Variants in CSGALNACT1 observed in about 807,000 individuals in gnomAD.
CSGALNACT1 encodes chondroitin sulfate N-acetylgalactosaminyltransferase 1.
In CSGALNACT1, 52 loss-of-function variants were observed where a neutral mutation model predicts 51.0. The observed-to-expected ratio is 1.02, with a 90% CI of 0.82 to 1.29. The LOEUF (loss-of-function observed/expected upper bound fraction) is 1.29, where lower values mean the gene tolerates loss of function less well. Among genes scored for constraint, CSGALNACT1 ranks in the 50% most tolerant of loss-of-function variants. CSGALNACT1 has a pLI of 0.00. For missense variants in CSGALNACT1, 935 were observed against 679.2 expected (o/e 1.38, Z -4.19); for synonymous variants, 341 against 254.4 (o/e 1.34, Z -3.24).
intron 1 of CSGALNACT1, among the ~76,000 whole-genome samples, chr8:19,652,240 C>A (rs2154184807): frequency 6.6e-6 from 1 of 152,230 alleles, no homozygotes; most frequent in East Asian, 1.9e-4. Context: ...CATGAGCCAC[C>A]ATATCAGGCC....
intron 3 of CSGALNACT1, among the ~76,000 whole-genome samples, chr8:19,590,121 ATCTC>A (rs530294555): frequency 6.6e-6 from 1 of 152,188 alleles, no homozygotes; most frequent in Non-Finnish European, 1.5e-5. Context: ...TGACGTTGTC[ATCTC>A]TCTCTTTAGT....
chr8:19,618,613 C>T (rs991070881), intron 1 of CSGALNACT1, among the ~76,000 whole-genome samples: 1 of 102,006 alleles, frequency 9.8e-6, no homozygotes, highest in Non-Finnish European at 1.8e-5. Flanking sequence ...GCCTGGGTGA[C>T]AGAGGAATAC....
intron 6 of CSGALNACT1, among the ~76,000 whole-genome samples, chr8:19,432,168 CTT>C (rs1025751746): frequency 6.6e-6 from 1 of 152,124 alleles, no homozygotes; most frequent in African/African-American, 2.4e-5. Context: ...GATGAAGTCT[CTT>C]TATTTGTTTA....
At chr8:19,532,244 G>C (rs1226517760) in intron 3 of CSGALNACT1, among the ~76,000 whole-genome samples, 1 of 151,350 alleles carries the variant, frequency 6.6e-6, no homozygotes, top group African/African-American at 2.4e-5. Flanking sequence ...TTTTGATCCT[G>C]GAAGCCCAGC....
At chr8:19,612,860 G>C (rs760367218) in intron 1 of CSGALNACT1, among the ~76,000 whole-genome samples, 2 of 143,346 alleles carry the variant, frequency 1.4e-5, no homozygotes, top group Non-Finnish European at 3.0e-5. Flanking sequence ...AAAAGCGAGA[G>C]AGCAACTAAA....
intron 3 of CSGALNACT1, among the ~76,000 whole-genome samples, chr8:19,577,095 C>G (rs1383558877): frequency 6.6e-6 from 1 of 152,106 alleles, no homozygotes; most frequent in Non-Finnish European, 1.5e-5. Context: ...TGTATTTATT[C>G]ACAAAGAAAG....
chr8:19,471,237 C>T (rs1247667052), intron 4 of CSGALNACT1, among the ~76,000 whole-genome samples: 1 of 152,190 alleles, frequency 6.6e-6, no homozygotes. Context: ...ACGCACTGCG[C>T]TTGCTCAATG....
At position 19,449,440 on chromosome 8, in the gene CSGALNACT1, A is replaced by C. The variant is rs1391614516; in HGVS notation, c.851+8986T>G. Among the ~76,000 whole-genome samples, 5 of 152,120 alleles carry C rather than the reference A, an allele frequency of 3.3e-5. No individual in the cohort carries two copies. The East Asian group carries it at 9.6e-4, about 29-fold the overall frequency. On this transcript the variant is annotated intron_variant, in intron 5 of 9. Coordinates refer to ENST00000454498, the Ensembl canonical transcript of CSGALNACT1. ...GTTGGGGAACACAAAGAAACTGGGA[A>C]TCTCTATCATGATCCAACATTTGCT...
chr8:19,520,118 C>T (rs1009438458), intron 3 of CSGALNACT1, among the ~76,000 whole-genome samples: 2 of 152,224 alleles, frequency 1.3e-5, no homozygotes, highest in Admixed American at 1.3e-4. Flanking sequence ...CCTCTTCCTT[C>T]CCCACCTACA....
intron 1 of CSGALNACT1, among the ~76,000 whole-genome samples, chr8:19,653,068 G>C (rs1012587804): frequency 7.9e-5 from 12 of 152,118 alleles, no homozygotes; most frequent in African/African-American, 2.9e-4. Flanking sequence ...ATTATGAACT[G>C]ATGAAAACTG....
chr8:19,579,712 C>T (rs1214651599), intron 3 of CSGALNACT1, among the ~76,000 whole-genome samples: 1 of 152,200 alleles, frequency 6.6e-6, no homozygotes, highest in Non-Finnish European at 1.5e-5. Context: ...ATGCTAATAG[C>T]ATATACCATG....
At chr8:19,671,502 A>G (rs7016838) in intron 1 of CSGALNACT1, among the ~76,000 whole-genome samples, 135,768 of 152,228 alleles carry the variant, frequency 0.89, 60,898 homozygotes, top group African/African-American at 0.97. Flanking sequence ...TCCTTCACTC[A>G]TTTATTCACC....
At chr8:19,649,819 CAA>C (rs57549612) in intron 1 of CSGALNACT1, among the ~76,000 whole-genome samples, 713 of 29,370 alleles carry the variant, frequency 0.024, 9 homozygotes, top group African/African-American at 0.085. Context: ...TTCCAAGTAG[CAA>C]AAAAAAAAAA....
At chr8:19,713,864 C>T (rs2062653322) in intron 1 of CSGALNACT1, among the ~76,000 whole-genome samples, 2 of 152,184 alleles carry the variant, frequency 1.3e-5, no homozygotes, top group South Asian at 2.1e-4. Flanking sequence ...AGGGCAGCCC[C>T]AGATGGAGAA....
chr8:19,680,978 C>T (rs949119963), intron 1 of CSGALNACT1, among the ~76,000 whole-genome samples: 3 of 152,034 alleles, frequency 2.0e-5, no homozygotes, highest in Admixed American at 6.6e-5. Context: ...ATGAAAACTG[C>T]GTGTGACTGT....
intron 1 of CSGALNACT1, among the ~76,000 whole-genome samples, chr8:19,713,759 C>A (rs1345339330): frequency 6.6e-6 from 1 of 152,146 alleles, no homozygotes; most frequent in Non-Finnish European, 1.5e-5. Context: ...CACCTTAATT[C>A]CAGACATCCA....
intron 3 of CSGALNACT1, among the ~76,000 whole-genome samples, chr8:19,507,829 A>G (rs180792789): frequency 1.7e-3 from 262 of 152,226 alleles, no homozygotes; most frequent in African/African-American, 5.8e-3. Flanking sequence ...GGGTTTCACC[A>G]TGTTGGCCAG....
chr8:19,428,078 G>A (rs1180966686), intron 6 of CSGALNACT1, among the ~76,000 whole-genome samples: 1 of 152,116 alleles, frequency 6.6e-6, no homozygotes, highest in Non-Finnish European at 1.5e-5. Context: ...TCCATCCTCA[G>A]ACTTAGCTCA....
At chr8:19,496,244 G>T (rs1465509014) in intron 4 of CSGALNACT1, among the ~76,000 whole-genome samples, 1 of 152,094 alleles carries the variant, frequency 6.6e-6, no homozygotes. Context: ...TAAAAAGAAC[G>T]CCGTTTCTTT....
Sources: allele counts gnomAD v4.1 joint callset (sites outside exome capture counted in the v4.1 genomes callset), GRCh38; gene constraint gnomAD v4.1.1; transcripts MANE v1.5; gene names NCBI Gene and HGNC (gene_info 2026-07-23, HGNC 2026-07-21).